MGAT4C: variants seen among roughly 807,000 people sequenced by gnomAD.
MGAT4C encodes MGAT4 family member C, also known as alpha-1,3-mannosyl-glycoprotein 4-beta-N-acetylglucosaminyltransferase C.
In MGAT4C, 19 loss-of-function variants were observed where a neutral mutation model predicts 40.1. The observed-to-expected ratio is 0.47, with a 90% CI of 0.33 to 0.70. The LOEUF (loss-of-function observed/expected upper bound fraction) is 0.70, where lower values mean the gene tolerates loss of function less well. Among genes scored for constraint, MGAT4C ranks in the 30% least tolerant of loss-of-function variants. MGAT4C has a pLI of 0.02. For missense variants in MGAT4C, 491 were observed against 563.2 expected, an observed-to-expected ratio of 0.87 and a Z score of 1.30; for synonymous variants, 181 against 187.1, an observed-to-expected ratio of 0.97 and a Z score of 0.27.
intron 2 of MGAT4C, among the ~76,000 whole-genome samples, chr12:86,447,558 CT>C (rs753238557): frequency 6.6e-6 from 1 of 151,554 alleles, no homozygotes; most frequent in South Asian, 2.1e-4. Flanking sequence ...TTTTTTTTAA[CT>C]TTTTTTTACT....
chr12:85,999,241 T>C (rs1407391243), intron 2 of MGAT4C, among the ~76,000 whole-genome samples: 2 of 152,046 alleles, frequency 1.3e-5, no homozygotes, highest in Non-Finnish European at 2.9e-5. Context: ...CACATGGCAA[T>C]TGTGGGAGTT....
At position 86,469,840 on chromosome 12, in the gene MGAT4C, G is replaced by A. The variant is rs568477216; in HGVS notation, c.-228-34575C>T. ...TGCACCAGCAGATGACCAAAATGAT[G>A]ATCAATATGAAACCACATATTTGCA... On this transcript the variant is annotated intron_variant, in intron 2 of 7. Coordinates refer to the MGAT4C transcript ENST00000548651. 2.7e-3 allele frequency among the ~76,000 whole-genome samples: 407 copies of A among 152,194 alleles called. 3 individuals carry two copies. The highest frequency in any genetic ancestry group is 6.8e-3 in the South Asian group (33 of 4,828).
intron 2 of MGAT4C, among the ~76,000 whole-genome samples, chr12:86,587,161 T>C (rs1961084712): frequency 1.3e-5 from 2 of 151,988 alleles, no homozygotes; most frequent in Admixed American, 1.3e-4. Context: ...AGTTTCAGCT[T>C]TCTACATATG....
intron 1 of MGAT4C, among the ~76,000 whole-genome samples, chr12:86,751,721 T>C (rs1261385867): frequency 6.6e-6 from 1 of 152,072 alleles, no homozygotes; most frequent in Non-Finnish European, 1.5e-5. Context: ...AATTTATTGA[T>C]GATTTGTAGT....
intron 2 of MGAT4C, among the ~76,000 whole-genome samples, chr12:86,701,244 T>C (rs560768252): frequency 9.2e-5 from 14 of 152,290 alleles, no homozygotes; most frequent in African/African-American, 3.4e-4. Flanking sequence ...CTTTTTTTTT[T>C]ACAAATTGAA....
At chr12:86,340,620 T>C (rs528391689) in intron 3 of MGAT4C, among the ~76,000 whole-genome samples, 2 of 152,176 alleles carry the variant, frequency 1.3e-5, no homozygotes, top group Non-Finnish European at 2.9e-5. Flanking sequence ...TAAATTTTGG[T>C]TAAACTGGCA....
At position 85,968,857 on chromosome 12, in the gene MGAT4C, A is replaced by C. The variant is rs7961700; in HGVS notation, c.*10432T>G. ...TAGTAATTTAGACAAGTGTGAGCAG[A>C]GGTTAATAATGTTGAGATGAACTGG... On this transcript the variant is annotated 3_prime_UTR_variant, in exon 5 of 5. Coordinates refer to ENST00000611864, the MANE Select transcript of MGAT4C (RefSeq NM_001351288.2). The C allele has an allele frequency of 0.26, 38,779 of 151,734 alleles. 5,634 individuals carry two copies. Among genetic ancestry groups the C allele is most frequent in the Non-Finnish European group, 0.33 (22,271 of 67,672 alleles). The allele number at this position is 151,734 out of a possible 1,614,324, so 9.4% of individuals were successfully genotyped here. A position where few individuals can be genotyped will look rare whatever the true frequency, so the allele number is the denominator to read the frequency against.
intron 1 of MGAT4C, among the ~76,000 whole-genome samples, chr12:86,763,390 G>T (rs555249690): frequency 1.3e-5 from 2 of 151,882 alleles, no homozygotes; most frequent in East Asian, 1.9e-4. Context: ...TACTGCAACC[G>T]TACCTAAACC....
intron 3 of MGAT4C, among the ~76,000 whole-genome samples, chr12:86,430,429 T>C (rs1034631728): frequency 2.6e-5 from 4 of 152,162 alleles, no homozygotes; most frequent in Non-Finnish European, 4.4e-5. Flanking sequence ...TTATTTAATC[T>C]AGCCTCTGAT....
chr12:86,833,217 G>T (rs530943543), intron 1 of MGAT4C, among the ~76,000 whole-genome samples: 1 of 151,906 alleles, frequency 6.6e-6, no homozygotes, highest in African/African-American at 2.4e-5. Flanking sequence ...TATCCTAGGA[G>T]AGGATAAATT....
At chr12:86,629,884 G>A (rs1470223056) in intron 2 of MGAT4C, among the ~76,000 whole-genome samples, 4 of 151,988 alleles carry the variant, frequency 2.6e-5, no homozygotes, top group Non-Finnish European at 5.9e-5. Context: ...GCTAGCAGAA[G>A]GCAAGAAATA....
intron 1 of MGAT4C, among the ~76,000 whole-genome samples, chr12:86,086,170 G>GA (rs2135555800): frequency 6.6e-6 from 1 of 152,218 alleles, no homozygotes. Flanking sequence ...ACTGCATAAA[G>GA]AAAATGTGGC....
At chr12:86,713,030 G>A (rs1565942941) in intron 2 of MGAT4C, among the ~76,000 whole-genome samples, 1 of 152,018 alleles carries the variant, frequency 6.6e-6, no homozygotes, top group East Asian at 1.9e-4. Flanking sequence ...GAAACTGTCT[G>A]TAGACCCAGT....
intron 4 of MGAT4C, among the ~76,000 whole-genome samples, chr12:86,284,100 A>T (rs1953287013): frequency 6.6e-6 from 1 of 152,046 alleles, no homozygotes. Context: ...AGACCTCCAC[A>T]CTGTTTTTGT....
chr12:86,480,739 C>A (rs1332720290), intron 2 of MGAT4C, among the ~76,000 whole-genome samples: 1 of 151,682 alleles, frequency 6.6e-6, no homozygotes, highest in Non-Finnish European at 1.5e-5. Context: ...ATTGCTGTAA[C>A]TCTTTATTTC....
intron 1 of MGAT4C, among the ~76,000 whole-genome samples, chr12:86,785,634 C>T (rs1951918241): frequency 6.6e-6 from 1 of 151,656 alleles, no homozygotes; most frequent in Non-Finnish European, 1.5e-5. Context: ...AATACAGTTT[C>T]ACTATGATAA....
intron 3 of MGAT4C, among the ~76,000 whole-genome samples, chr12:86,373,088 A>T (rs1955752290): frequency 6.6e-6 from 1 of 151,828 alleles, no homozygotes; most frequent in South Asian, 2.1e-4. Flanking sequence ...ATATTAACTC[A>T]TTTAATTTTT....
intron 3 of MGAT4C, among the ~76,000 whole-genome samples, chr12:86,381,804 C>G (rs550264839): frequency 9.2e-5 from 14 of 152,222 alleles, no homozygotes; most frequent in African/African-American, 3.4e-4. Flanking sequence ...GTAATTGAGT[C>G]ACGGGGGCAG....
rs571592039 is a variant in MGAT4C at position 86,133,263 on chromosome 12, G to T, written c.-56-83540C>A. The stretch of plus-strand genomic sequence containing the variant: ...TTGCTCTTTAATTGTATCTGGGAAG[G>T]TTTAGAGCGTAGAGAGTGGGAAACA... On this transcript the variant is annotated intron_variant, in intron 1 of 4. Transcript: ENST00000611864. Among the ~76,000 whole-genome samples the T allele has an allele frequency of 7.4e-4, 113 of 152,324 alleles. 1 individual carries two copies. Among genetic ancestry groups the T allele is most frequent in the Non-Finnish European group, 1.3e-3 (88 of 68,028 alleles).
Sources: allele counts gnomAD v4.1 joint callset (sites outside exome capture counted in the v4.1 genomes callset), GRCh38; gene constraint gnomAD v4.1.1; transcripts MANE v1.5; gene names NCBI Gene and HGNC (gene_info 2026-07-23, HGNC 2026-07-21).